Variants in ERC2 observed in about 807,000 individuals in gnomAD.
ERC2 encodes the protein ELKS/RAB6-interacting/CAST family member 2, also known as ERC protein 2.
Under a neutral mutation model 114.8 loss-of-function variants are expected in ERC2, and 42 were observed. That is an observed-to-expected ratio of 0.37 (90% CI 0.29 to 0.47). The LOEUF (loss-of-function observed/expected upper bound fraction) is 0.47, where lower values mean the gene tolerates loss of function less well. Ranked by LOEUF, ERC2 falls within the 20% of genes least tolerant of loss-of-function variation. The pLI, the probability that ERC2 is intolerant of heterozygous loss-of-function variation, is 0.99. For synonymous variants in ERC2, 454 were observed against 425.5 expected (o/e 1.07, Z -0.82); for missense variants, 939 against 1,150.7 (o/e 0.82, Z 2.66).
intron 3 of ERC2, among the ~76,000 whole-genome samples, chr3:56,283,463 TA>T (rs1258151144): frequency 6.6e-6 from 1 of 152,082 alleles, no homozygotes; most frequent in Non-Finnish European, 1.5e-5. Flanking sequence ...AGACCCCATC[TA>T]AAAAATAAAA....
chr3:56,202,978 A>C (rs1222759010), intron 3 of ERC2, among the ~76,000 whole-genome samples: 1 of 152,230 alleles, frequency 6.6e-6, no homozygotes, highest in Non-Finnish European at 1.5e-5. Flanking sequence ...TTTAGAAAAA[A>C]TAAAATGCAT....
intron 11 of ERC2, among the ~76,000 whole-genome samples, chr3:55,990,851 G>C (rs1039258026): frequency 2.0e-5 from 3 of 152,212 alleles, no homozygotes; most frequent in Non-Finnish European, 2.9e-5. Flanking sequence ...TCAAGGCCAT[G>C]AAAGGCTAAG....
chr3:55,895,250 G>T (rs1014971210), intron 13 of ERC2, among the ~76,000 whole-genome samples: 16 of 152,308 alleles, frequency 1.1e-4, no homozygotes, highest in African/African-American at 3.6e-4. Flanking sequence ...TGATGCCGTG[G>T]TCACACTGCT....
chr3:56,102,795 G>A (rs2078431880), intron 6 of ERC2, among the ~76,000 whole-genome samples: 1 of 152,182 alleles, frequency 6.6e-6, no homozygotes, highest in Non-Finnish European at 1.5e-5. Context: ...ATGTTGATAA[G>A]TAGCTGGTAT....
At chr3:56,105,125 G>A (rs1267340796) in intron 6 of ERC2, among the ~76,000 whole-genome samples, 2 of 152,022 alleles carry the variant, frequency 1.3e-5, no homozygotes, top group Non-Finnish European at 2.9e-5. Context: ...GCAGATGCCA[G>A]GCATGTTGGA....
At chr3:55,909,107 G>A (rs951105278) in intron 13 of ERC2, among the ~76,000 whole-genome samples, 3 of 152,186 alleles carry the variant, frequency 2.0e-5, no homozygotes, top group African/African-American at 7.2e-5. Context: ...CTGGAAAATG[G>A]TAGGACCAGC....
intron 15 of ERC2, among the ~76,000 whole-genome samples, chr3:55,714,373 G>A (rs1338505904): frequency 6.6e-6 from 1 of 151,986 alleles, no homozygotes; most frequent in Non-Finnish European, 1.5e-5. Flanking sequence ...GGTATCACAG[G>A]GATGGCAATC....
At chr3:56,174,997 G>A (rs1388279141) in intron 3 of ERC2, among the ~76,000 whole-genome samples, 2 of 150,570 alleles carry the variant, frequency 1.3e-5, no homozygotes, top group African/African-American at 2.4e-5. Context: ...AAAAAAGATA[G>A]GACATGTTAA....
At chr3:55,534,965 T>A (rs1271664058) in intron 17 of ERC2, among the ~76,000 whole-genome samples, 19 of 152,086 alleles carry the variant, frequency 1.2e-4, no homozygotes, top group Non-Finnish European at 4.4e-5. Flanking sequence ...GCACAAAGAA[T>A]CCAGTGGCTG....
At chr3:56,211,868 A>T (rs911486375) in intron 3 of ERC2, among the ~76,000 whole-genome samples, 2 of 152,234 alleles carry the variant, frequency 1.3e-5, no homozygotes, top group African/African-American at 4.8e-5. Context: ...ACCCTATTCA[A>T]CAAATGTTGC....
intron 15 of ERC2, among the ~76,000 whole-genome samples, chr3:55,733,536 T>TCACACACACACACACACACA: frequency 1.5e-5 from 1 of 68,534 alleles, no homozygotes; most frequent in Admixed American, 1.5e-4. Flanking sequence ...ATTCTTTCTC[T>TCACACACACACACACACACA]CTCTCTCACA....
rs2054616961 is a variant in ERC2 at position 56,285,206 on chromosome 3, C to G, written c.1074+10813G>C. Among the ~76,000 whole-genome samples the G allele has an allele frequency of 2.6e-5, 4 of 151,250 alleles. No homozygotes were observed. The South Asian group carries it at 8.4e-4, about 32-fold the overall frequency. On this transcript the variant is annotated intron_variant, in intron 3 of 17. Transcript: ENST00000288221. ...CTGGGCTGTCCTTCCTCAATAAAAC[C>G]AAGTTTCAAGCAGATGGGGCTAGGA...
chr3:55,646,699 T>G (rs58002944), intron 17 of ERC2, among the ~76,000 whole-genome samples: 1 of 152,156 alleles, frequency 6.6e-6, no homozygotes, highest in Admixed American at 6.5e-5. Context: ...GTAAGCTCCA[T>G]GTAGACAAGG....
At chr3:56,160,359 A>G (rs1456627905) in intron 4 of ERC2, among the ~76,000 whole-genome samples, 1 of 152,070 alleles carries the variant, frequency 6.6e-6, no homozygotes, top group Non-Finnish European at 1.5e-5. Context: ...TAAGTTCCTG[A>G]TAGATTCTGG....
intron 2 of ERC2, among the ~76,000 whole-genome samples, chr3:56,358,739 G>T (rs1442087448): frequency 1.3e-5 from 2 of 152,224 alleles, no homozygotes; most frequent in African/African-American, 4.8e-5. Flanking sequence ...TCCAAGCCTT[G>T]GTATCCTCAT....
intron 6 of ERC2, among the ~76,000 whole-genome samples, chr3:56,120,846 C>T (rs568866087): frequency 6.6e-6 from 1 of 152,286 alleles, no homozygotes. Context: ...GTTTGCCAGG[C>T]CATCTGATAA....
chr3:56,300,289 A>AG (rs1315874150), intron 2 of ERC2, among the ~76,000 whole-genome samples: 1 of 151,750 alleles, frequency 6.6e-6, no homozygotes, highest in East Asian at 1.9e-4. Context: ...ACAAAAAAAA[A>AG]AAAAAAGAAA....
chr3:55,689,043 T>A (rs764212253), intron 16 of ERC2, among the ~76,000 whole-genome samples: 17 of 152,138 alleles, frequency 1.1e-4, no homozygotes, highest in Non-Finnish European at 2.2e-4. Context: ...ATGTCCATAT[T>A]TTAAAAGACA....
chr3:56,335,746 A>G (rs1175729572), intron 2 of ERC2, among the ~76,000 whole-genome samples: 2 of 152,200 alleles, frequency 1.3e-5, no homozygotes, highest in African/African-American at 4.8e-5. Flanking sequence ...AGTTAGCAGC[A>G]CTTGAAAAAT....
Sources: allele counts gnomAD v4.1 joint callset (sites outside exome capture counted in the v4.1 genomes callset), GRCh38; gene constraint gnomAD v4.1.1; transcripts MANE v1.5; gene names NCBI Gene and HGNC (gene_info 2026-07-23, HGNC 2026-07-21).